FIG4: variants seen among roughly 807,000 people sequenced by gnomAD.
FIG4 encodes the protein FIG4 phosphoinositide 5-phosphatase.
In FIG4, 112 loss-of-function variants were observed where a neutral mutation model predicts 118.6. The ratio of observed to expected loss-of-function variants is 0.94; its 90% CI spans 0.81 to 1.11. FIG4 has a LOEUF of 1.11. Ranked by LOEUF, FIG4 falls within the 50% of genes least tolerant of loss-of-function variation. FIG4 has a pLI of 0.00. For missense variants in FIG4, 969 were observed against 1,111.7 expected (o/e 0.87, Z 1.83); for synonymous variants, 369 against 381.2 (o/e 0.97, Z 0.37).
intron 15 of FIG4, among the ~76,000 whole-genome samples, chr6:109,769,134 C>T (rs543528291): frequency 1.4e-5 from 2 of 147,038 alleles, no homozygotes; most frequent in East Asian, 2.0e-4. Context: ...GAGGGAGTCT[C>T]GCTCTGTCTA....
chr6:109,775,246 G>C (rs557859312), intron 15 of FIG4, among the ~76,000 whole-genome samples: 32 of 152,242 alleles, frequency 2.1e-4, no homozygotes, highest in African/African-American at 7.5e-4. Flanking sequence ...AAGTAGCCAG[G>C]AGAAGATCCT....
chr6:109,801,729 T>C (rs990856762), intron 22 of FIG4, among the ~76,000 whole-genome samples: 78 of 152,304 alleles, frequency 5.1e-4, no homozygotes, highest in African/African-American at 1.9e-3. Flanking sequence ...ATTAGAGCAC[T>C]TCTTCACACT....
intron 3 of FIG4, among the ~76,000 whole-genome samples, chr6:109,718,882 A>ACTTAATAG (rs1775518710): frequency 6.6e-6 from 1 of 151,924 alleles, no homozygotes; most frequent in Non-Finnish European, 1.5e-5. Context: ...AATAATAGTT[A>ACTTAATAG]CTTAATAGTT....
At chr6:109,798,408 C>T (rs1173212502) in intron 22 of FIG4, among the ~76,000 whole-genome samples, 3 of 152,138 alleles carry the variant, frequency 2.0e-5, no homozygotes, top group Non-Finnish European at 2.9e-5. Context: ...GTGTTAGGAC[C>T]ATTTAAAGCT....
intron 18 of FIG4, among the ~76,000 whole-genome samples, chr6:109,787,409 C>G (rs189716777): frequency 6.6e-6 from 1 of 152,030 alleles, no homozygotes; most frequent in Non-Finnish European, 1.5e-5. Context: ...AGGAACAGTT[C>G]GAAATTCTTA....
At chr6:109,817,696 T>G (rs1189709153) in intron 22 of FIG4, among the ~76,000 whole-genome samples, 3 of 152,102 alleles carry the variant, frequency 2.0e-5, no homozygotes, top group Non-Finnish European at 4.4e-5. Flanking sequence ...CTGTCCTTTC[T>G]CTCTCCTTGA....
rs57291908 is a variant in FIG4, at chr6:109,743,052, TATTTC to T, written c.877-54_877-50del. 452,914 of 1,402,466 alleles carry T rather than the reference TATTTC, an allele frequency of 0.32. 80,710 individuals carry two copies. The highest frequency in any genetic ancestry group is 0.37 in the Non-Finnish European group (367,187 of 993,728). 86.9% of individuals were successfully genotyped at this position (1,402,466 alleles called of 1,614,324 possible). On this transcript the variant is annotated intron_variant, in intron 8 of 22. Coordinates refer to ENST00000230124, the MANE Select transcript of FIG4 (RefSeq NM_014845.6). Reference sequence around the variant, plus strand: ...TAGGAATTATAACTTCATTGAAAGTTATTTCATTAAACATTTCTAATAACATAAAA... The same window carrying T: ...TAGGAATTATAACTTCATTGAAAGTTATTAAACATTTCTAATAACATAAAA...
intron 4 of FIG4, among the ~76,000 whole-genome samples, chr6:109,731,509 A>T (rs1776000026): frequency 6.6e-6 from 1 of 152,122 alleles, no homozygotes. Context: ...CATGGGTTCC[A>T]CCTCTGTGAA....
At chr6:109,796,981 G>T (rs1778306852) in intron 22 of FIG4, 130 bp downstream of exon 22, 1 of 681,844 alleles carries the variant, frequency 1.5e-6, no homozygotes. Flanking sequence ...GTGTCTCCTT[G>T]TGGTACCTTA....
chr6:109,699,498 GT>G (rs562523768), intron 1 of FIG4, among the ~76,000 whole-genome samples: 13 of 136,242 alleles, frequency 9.5e-5, no homozygotes, highest in South Asian at 9.4e-4. Context: ...TTTTTTGTTT[GT>G]TTTTTTTTTG....
rs183964137 is a variant in FIG4 at position 109,749,661 on chromosome 6, A to C, written c.1137+5889A>C. 2.5e-3 allele frequency among the ~76,000 whole-genome samples: 368 copies of C among 149,922 alleles called. 2 individuals are homozygous for C. The highest frequency in any genetic ancestry group is 9.8e-4 in the East Asian group (5 of 5,106). On this transcript the variant is annotated intron_variant, in intron 10 of 22. Coordinates refer to ENST00000230124, the MANE Select transcript of FIG4 (RefSeq NM_014845.6). ...TACAGAGTTCGTATAGTGTGGTTGA[A>C]AAGCTGTCATTAAATGGAGATTCAT...
At chr6:109,801,535 G>A (rs147223249) in intron 22 of FIG4, among the ~76,000 whole-genome samples, 76 of 152,234 alleles carry the variant, frequency 5.0e-4, no homozygotes, top group Admixed American at 8.5e-4. Context: ...GCTACAGAGC[G>A]AGAATCCATC....
At chr6:109,707,985 C>T (rs1775140393) in intron 1 of FIG4, among the ~76,000 whole-genome samples, 1 of 147,918 alleles carries the variant, frequency 6.8e-6, no homozygotes, top group African/African-American at 2.5e-5. Context: ...ATTTTATTCT[C>T]AGTATTCTTT....
chr6:109,711,406 A>C (rs1775257255), intron 1 of FIG4, among the ~76,000 whole-genome samples: 1 of 152,064 alleles, frequency 6.6e-6, no homozygotes, highest in South Asian at 2.1e-4. Context: ...CTCAAAAAAA[A>C]CAAAAAACAA....
At chr6:109,787,997 AT>A (rs555954328) in intron 18 of FIG4, among the ~76,000 whole-genome samples, 1 of 152,168 alleles carries the variant, frequency 6.6e-6, no homozygotes, top group South Asian at 2.1e-4. Context: ...TGTTCTTCGA[AT>A]TTTGAATTTT....
chr6:109,751,322 T>G (rs1318083386), intron 10 of FIG4, among the ~76,000 whole-genome samples: 1 of 152,202 alleles, frequency 6.6e-6, no homozygotes, highest in Non-Finnish European at 1.5e-5. Flanking sequence ...TTGCCAGTAT[T>G]TTATTGAGGA....
At chr6:109,750,020 T>C (rs141029691) in intron 10 of FIG4, among the ~76,000 whole-genome samples, 2 of 152,194 alleles carry the variant, frequency 1.3e-5, no homozygotes, top group African/African-American at 2.4e-5. Context: ...ACCTTATTAA[T>C]TGTGATTAAA....
intron 1 of FIG4, among the ~76,000 whole-genome samples, chr6:109,705,394 G>T (rs962396604): frequency 1.4e-4 from 21 of 152,244 alleles, no homozygotes; most frequent in African/African-American, 4.6e-4. Context: ...TGAAAAGCAG[G>T]GGTTTTCTTT....
intron 1 of FIG4, among the ~76,000 whole-genome samples, chr6:109,692,193 A>G (rs931024752): frequency 6.6e-6 from 1 of 152,236 alleles, no homozygotes; most frequent in African/African-American, 2.4e-5. Flanking sequence ...TGGTGTTTAT[A>G]TAACTTCATA....
Sources: gnomAD v4.1 joint callset for allele counts (sites outside exome capture counted in the v4.1 genomes callset) on GRCh38, gnomAD v4.1.1 for gene constraint, MANE v1.5 for transcripts, NCBI Gene and HGNC (gene_info 2026-07-23, HGNC 2026-07-21) for gene names.